MEI4: variants seen among roughly 807,000 people sequenced by gnomAD.
MEI4 encodes meiotic double-stranded break formation protein 4.
Under a neutral mutation model 31.4 loss-of-function variants are expected in MEI4, and 27 were observed. The observed-to-expected ratio is 0.86, with a 90% CI of 0.63 to 1.19. The LOEUF is 1.19. MEI4 is among the 50% of genes most tolerant of loss of function. The probability of loss-of-function intolerance (pLI) is 0.00; values close to 1 mark genes in which losing one functional copy is unlikely to be tolerated. For missense variants in MEI4, 329 were observed against 398.9 expected (o/e 0.82, Z 1.49); for synonymous variants, 122 against 145.4 (o/e 0.84, Z 1.16).
intron 2 of MEI4, among the ~76,000 whole-genome samples, chr6:77,742,845 C>T (rs113152179): frequency 6.6e-6 from 1 of 151,992 alleles, no homozygotes; most frequent in South Asian, 2.1e-4. Flanking sequence ...ATATGGCTAG[C>T]CAGTTTTCCC....
intron 4 of MEI4, among the ~76,000 whole-genome samples, chr6:77,863,374 C>T (rs969821248): frequency 4.6e-5 from 4 of 86,948 alleles, no homozygotes; most frequent in African/African-American, 2.3e-4. Context: ...ATAACCAATG[C>T]AGAGAAGTCC....
At chr6:77,885,702 A>G (rs1231284796) in intron 4 of MEI4, among the ~76,000 whole-genome samples, 3 of 152,074 alleles carry the variant, frequency 2.0e-5, no homozygotes, top group Non-Finnish European at 2.9e-5. Context: ...TTCCAGTACT[A>G]TGTTGAATAG....
chr6:77,760,035 C>A (rs577106376), intron 2 of MEI4, among the ~76,000 whole-genome samples: 3 of 152,046 alleles, frequency 2.0e-5, no homozygotes, highest in African/African-American at 4.8e-5. Context: ...TAAAAACAAC[C>A]ACAACTTTGT....
intron 2 of MEI4, among the ~76,000 whole-genome samples, chr6:77,746,673 G>A (rs988891011): frequency 6.8e-6 from 1 of 146,010 alleles, no homozygotes; most frequent in South Asian, 2.2e-4. Context: ...GTGTGTGTGT[G>A]TATGAATATG....
chr6:77,862,961 A>C (rs955791444), intron 4 of MEI4, among the ~76,000 whole-genome samples: 25 of 152,312 alleles, frequency 1.6e-4, no homozygotes, highest in African/African-American at 5.5e-4. Flanking sequence ...ACCCAGGCAA[A>C]CAGGGTCTGG....
intron 4 of MEI4, among the ~76,000 whole-genome samples, chr6:77,868,279 G>T (rs1482678329): frequency 6.7e-6 from 1 of 150,306 alleles, no homozygotes; most frequent in African/African-American, 2.4e-5. Context: ...ATAAGGAATT[G>T]ATGATTAGAG....
chr6:77,833,332 C>A (rs1454200885), intron 4 of MEI4, among the ~76,000 whole-genome samples: 1 of 151,988 alleles, frequency 6.6e-6, no homozygotes, highest in Non-Finnish European at 1.5e-5. Context: ...AATCTGTGGG[C>A]AGAATATCTC....
At position 77,785,515 on chromosome 6, in the gene MEI4, A is replaced by C. The variant is rs978083265; in HGVS notation, c.768+23850A>C. On this transcript the variant is annotated intron_variant, in intron 3 of 4. Transcript: ENST00000684080. ...GTAGGGCACAGACTAGACATTTCTC[A>C]TATCTCACTACTTTTCCCTTCAATT... 2.0e-5 allele frequency among the ~76,000 whole-genome samples: 3 copies of C among 152,192 alleles called. No homozygotes were observed. The South Asian group carries it at 6.2e-4, about 31-fold the overall frequency.
At chr6:77,880,684 G>A (rs1771462472) in intron 4 of MEI4, among the ~76,000 whole-genome samples, 1 of 152,060 alleles carries the variant, frequency 6.6e-6, no homozygotes, top group Non-Finnish European at 1.5e-5. Flanking sequence ...CACTAGTTAT[G>A]AAAGAAGACA....
At chr6:77,744,042 A>C (rs1003389853) in intron 2 of MEI4, among the ~76,000 whole-genome samples, 1 of 152,224 alleles carries the variant, frequency 6.6e-6, no homozygotes, top group Non-Finnish European at 1.5e-5. Context: ...AAAAACTGGA[A>C]ACTCTAAAAA....
At chr6:77,728,968 G>A (rs1766900298) in intron 2 of MEI4, among the ~76,000 whole-genome samples, 1 of 152,196 alleles carries the variant, frequency 6.6e-6, no homozygotes, top group Non-Finnish European at 1.5e-5. Flanking sequence ...TAAGGGAGGT[G>A]ATAATGGTTT....
At chr6:77,780,729 T>C (rs1768573126) in intron 3 of MEI4, among the ~76,000 whole-genome samples, 1 of 152,172 alleles carries the variant, frequency 6.6e-6, no homozygotes, top group African/African-American at 2.4e-5. Context: ...GTCCTTAACA[T>C]ATTATAGTCC....
intron 4 of MEI4, among the ~76,000 whole-genome samples, chr6:77,842,793 AC>A (rs1770396854): frequency 6.6e-6 from 1 of 152,054 alleles, no homozygotes. Flanking sequence ...ACTACTATAA[AC>A]ATCTGTAGTC....
chr6:77,675,557 G>A (rs1215162375), intron 1 of MEI4, among the ~76,000 whole-genome samples: 2 of 149,392 alleles, frequency 1.3e-5, no homozygotes, highest in Non-Finnish European at 3.0e-5. Context: ...TAAAAAAAAG[G>A]TTGAGTCAAA....
chr6:77,765,903 C>T (rs1768162299), intron 3 of MEI4, among the ~76,000 whole-genome samples: 1 of 152,044 alleles, frequency 6.6e-6, no homozygotes, highest in African/African-American at 2.4e-5. Context: ...AGCTGGAAAC[C>T]ATCATTCTCA....
chr6:77,767,624 G>A (rs1389477218), intron 3 of MEI4, among the ~76,000 whole-genome samples: 1 of 151,840 alleles, frequency 6.6e-6, no homozygotes, highest in African/African-American at 2.4e-5. Flanking sequence ...TTGAGCCCAG[G>A]AGGCAGAGAT....
chr6:77,793,135 C>T (rs1768983814), intron 3 of MEI4, among the ~76,000 whole-genome samples: 1 of 151,998 alleles, frequency 6.6e-6, no homozygotes, highest in Non-Finnish European at 1.5e-5. Flanking sequence ...TAAAGAGAGA[C>T]TCTTGAAAGT....
chr6:77,744,908 G>C lies in MEI4; in HGVS notation c.233-16222G>C, dbSNP rs541996003. 3.4e-3 allele frequency among the ~76,000 whole-genome samples: 521 copies of C among 152,246 alleles called. 1 individual carries two copies. The highest frequency in any genetic ancestry group is 8.2e-3 in the Admixed American group (126 of 15,280). ...AAGGAGAAATAAAATGCTTTACAGA[G>C]AAGCAAATGCTAAGAAATTTTGTCA... On this transcript the variant is annotated intron_variant, in intron 2 of 4. Coordinates refer to ENST00000684080, the MANE Select transcript of MEI4 (RefSeq NM_001322247.2).
At chr6:77,884,041 G>A (rs1342989585) in intron 4 of MEI4, among the ~76,000 whole-genome samples, 2 of 151,536 alleles carry the variant, frequency 1.3e-5, no homozygotes, top group African/African-American at 4.8e-5. Context: ...TTGTCTTTTG[G>A]ATAATAGCCA....
Sources: gnomAD v4.1 joint callset for allele counts (sites outside exome capture counted in the v4.1 genomes callset) on GRCh38, gnomAD v4.1.1 for gene constraint, MANE v1.5 for transcripts, NCBI Gene and HGNC (gene_info 2026-07-23, HGNC 2026-07-21) for gene names.